Variants in CNTNAP4 observed in about 807,000 individuals in gnomAD.
The protein encoded by CNTNAP4 is contactin-associated protein-like 4.
Under a neutral mutation model 148.4 loss-of-function variants are expected in CNTNAP4, and 98 were observed. That is an observed-to-expected ratio of 0.66 (90% confidence interval 0.56 to 0.78). The LOEUF is 0.78. CNTNAP4 is among the 30% of genes least tolerant of loss of function. The pLI, the probability that CNTNAP4 is intolerant of heterozygous loss-of-function variation, is 0.00. For synonymous variants in CNTNAP4, 730 were observed against 565.1 expected, an observed-to-expected ratio of 1.29 and a Z score of -4.14; for missense variants, 1,935 against 1,565.6, an observed-to-expected ratio of 1.24 and a Z score of -3.98.
chr16:76,331,393 T>A (rs983684032), intron 2 of CNTNAP4, among the ~76,000 whole-genome samples: 1 of 152,022 alleles, frequency 6.6e-6, no homozygotes, highest in Non-Finnish European at 1.5e-5. Flanking sequence ...TTTCACAGTG[T>A]TAGCCAGGAT....
At chr16:76,427,181 A>G (rs577032321) in intron 3 of CNTNAP4, among the ~76,000 whole-genome samples, 2 of 152,318 alleles carry the variant, frequency 1.3e-5, no homozygotes, top group East Asian at 1.9e-4. Context: ...CACTTTACAG[A>G]AGCAATTTTT....
Position 76,398,000 on chromosome 16 carries a change from A to G in CNTNAP4, c.391-29452A>G, listed in dbSNP as rs866853681. On this transcript the variant is annotated intron_variant, in intron 3 of 23. Coordinates refer to ENST00000611870, the MANE Select transcript of CNTNAP4 (RefSeq NM_033401.5). ...TATATATATATATATATATATATAT[A>G]TGGAGTTTATTAAGGAGTATTGACT... is the stretch of plus-strand genomic sequence containing the variant. Among the ~76,000 whole-genome samples the G allele has an allele frequency of 3.3e-3, 328 of 99,714 alleles. 3 individuals carry two copies. Among genetic ancestry groups the G allele is most frequent in the African/African-American group, 0.012 (311 of 25,398 alleles). 65.4% of individuals were successfully genotyped at this position (99,714 alleles called of 152,430 possible).
chr16:76,413,807 ATATTT>A (rs1308601141), intron 3 of CNTNAP4, among the ~76,000 whole-genome samples: 1 of 151,284 alleles, frequency 6.6e-6, no homozygotes, highest in East Asian at 1.9e-4. Flanking sequence ...GGCATTAAAT[ATATTT>A]TATTAGTTTT....
In CNTNAP4 at chr16:76,470,094, A is replaced by G. The variant is rs553019090; in HGVS notation, c.1655+2571A>G. Among the ~76,000 whole-genome samples, 11 of 152,262 alleles carry G rather than the reference A, an allele frequency of 7.2e-5. No homozygotes were observed. In the East Asian group the frequency reaches 1.7e-3, roughly 24 times the overall value. On this transcript the variant is annotated intron_variant, in intron 10 of 23. Transcript: ENST00000611870. ...CAAAATCTCTTAGAACCTGTTCTTC[A>G]TAGTGTTTGTTTCCTATAAGTATGG... is the stretch of plus-strand genomic sequence containing the variant.
chr16:76,517,835 C>G (rs1688161373), intron 15 of CNTNAP4, among the ~76,000 whole-genome samples: 3 of 152,150 alleles, frequency 2.0e-5, no homozygotes, highest in South Asian at 4.1e-4. Context: ...ATCGCTCCAT[C>G]TCCCTAACCC....
At chr16:76,426,992 A>T (rs765348057) in intron 3 of CNTNAP4, among the ~76,000 whole-genome samples, 3 of 152,188 alleles carry the variant, frequency 2.0e-5, no homozygotes, top group Admixed American at 6.5e-5. Flanking sequence ...AATGAGTAAG[A>T]TGAGAAAGTG....
At chr16:76,294,298 A>G (rs979052413) in intron 1 of CNTNAP4, among the ~76,000 whole-genome samples, 1 of 152,164 alleles carries the variant, frequency 6.6e-6, no homozygotes, top group Middle Eastern at 3.2e-3. Flanking sequence ...ATCTAATACA[A>G]TTCTGACTTA....
intron 12 of CNTNAP4, among the ~76,000 whole-genome samples, chr16:76,487,921 C>G (rs191052528): frequency 6.6e-6 from 1 of 152,168 alleles, no homozygotes; most frequent in Non-Finnish European, 1.5e-5. Flanking sequence ...GGAAGTCTCA[C>G]TCAGTGTGAT....
intron 3 of CNTNAP4, among the ~76,000 whole-genome samples, chr16:76,414,284 T>A (rs1422099745): frequency 6.6e-6 from 1 of 151,424 alleles, no homozygotes; most frequent in East Asian, 1.9e-4. Flanking sequence ...TTTCTGTATT[T>A]GGTGAGAAAA....
At chr16:76,327,835 G>A (rs967065162) in intron 2 of CNTNAP4, among the ~76,000 whole-genome samples, 1 of 152,190 alleles carries the variant, frequency 6.6e-6, no homozygotes, top group Non-Finnish European at 1.5e-5. Flanking sequence ...TGATAAGGCT[G>A]CTCAGAAGTG....
At chr16:76,287,509 AG>A (rs906783113) in intron 1 of CNTNAP4, 1 of 152,224 alleles carries the variant, frequency 6.6e-6, no homozygotes, top group African/African-American at 2.4e-5. Flanking sequence ...TTAGCATGAA[AG>A]TATGTAGGTA....
At chr16:76,451,154 G>A (rs1033933786) in intron 7 of CNTNAP4, among the ~76,000 whole-genome samples, 2 of 152,140 alleles carry the variant, frequency 1.3e-5, no homozygotes, top group South Asian at 2.1e-4. Flanking sequence ...AGGACAGACT[G>A]GAACAAACCA....
intron 2 of CNTNAP4, among the ~76,000 whole-genome samples, chr16:76,352,488 C>G (rs1165904301): frequency 6.6e-6 from 1 of 152,146 alleles, no homozygotes; most frequent in Non-Finnish European, 1.5e-5. Flanking sequence ...GCATCCTGAC[C>G]TATGAGAGGC....
chr16:76,486,471 A>G (rs771369030), intron 12 of CNTNAP4, among the ~76,000 whole-genome samples: 2 of 152,140 alleles, frequency 1.3e-5, no homozygotes, highest in Non-Finnish European at 2.9e-5. Context: ...AGTCACTAGA[A>G]CCTCAACCAG....
intron 17 of CNTNAP4, among the ~76,000 whole-genome samples, chr16:76,527,590 C>T (rs1443983698): frequency 6.6e-6 from 1 of 152,122 alleles, no homozygotes; most frequent in African/African-American, 2.4e-5. Context: ...TTCAGCATGA[C>T]TTTATTCTTC....
At chr16:76,413,354 A>T (rs999357431) in intron 3 of CNTNAP4, among the ~76,000 whole-genome samples, 4 of 151,202 alleles carry the variant, frequency 2.6e-5, no homozygotes, top group Non-Finnish European at 1.5e-5. Flanking sequence ...TTGTTTTCCA[A>T]TGTGGATATC....
At chr16:76,308,555 G>T (rs1792410795) in intron 1 of CNTNAP4, among the ~76,000 whole-genome samples, 1 of 152,142 alleles carries the variant, frequency 6.6e-6, no homozygotes, top group Non-Finnish European at 1.5e-5. Context: ...AGTCCTTCGG[G>T]CTGTGTTCCT....
chr16:76,337,547 G>A (rs1964122115), intron 2 of CNTNAP4, among the ~76,000 whole-genome samples: 1 of 152,146 alleles, frequency 6.6e-6, no homozygotes, highest in Admixed American at 6.5e-5. Flanking sequence ...GGCAGAGGGT[G>A]AAATTAGAAT....
intron 1 of CNTNAP4, among the ~76,000 whole-genome samples, chr16:76,298,204 C>A (rs1195035103): frequency 6.6e-6 from 1 of 152,114 alleles, no homozygotes; most frequent in Non-Finnish European, 1.5e-5. Flanking sequence ...ACACTTAAGT[C>A]CAAGGAGGTT....
Sources: allele counts gnomAD v4.1 joint callset (sites outside exome capture counted in the v4.1 genomes callset), GRCh38; gene constraint gnomAD v4.1.1; transcripts MANE v1.5; gene names NCBI Gene and HGNC (gene_info 2026-07-23, HGNC 2026-07-21).